Variants in SLC22A24 observed in about 807,000 individuals in gnomAD.
SLC22A24 encodes the protein solute carrier family 22 member 24, also known as steroid transmembrane transporter SLC22A24.
A neutral mutation model predicts 49.8 loss-of-function variants in SLC22A24; 53 were observed. The ratio of observed to expected loss-of-function variants is 1.06; its 90% CI spans 0.85 to 1.34. SLC22A24 has a LOEUF of 1.34. Among genes scored for constraint, SLC22A24 ranks in the 40% most tolerant of loss-of-function variants. The pLI, the probability that SLC22A24 is intolerant of heterozygous loss-of-function variation, is 0.00. For missense variants in SLC22A24, 786 were observed against 675.9 expected (o/e 1.16, Z -1.81); for synonymous variants, 302 against 256.4 (o/e 1.18, Z -1.70).
intron 5 of SLC22A24, 116 bp downstream of exon 5, chr11:63,104,059 G>A: frequency 2.0e-6 from 2 of 984,848 alleles, no homozygotes; most frequent in South Asian, 3.3e-5. Context: ...TCAGGACAGA[G>A]ATGTAAGACT....
chr11:63,100,596 G>A (rs1005793340), intron 5 of SLC22A24, among the ~76,000 whole-genome samples: 11 of 152,042 alleles, frequency 7.2e-5, no homozygotes, highest in Non-Finnish European at 1.3e-4. Flanking sequence ...ACTTAGAATA[G>A]CCAAAGCTAC....
At chr11:63,113,231 T>TATATATACACATATATATATAC (rs2087187453) in intron 4 of SLC22A24, among the ~76,000 whole-genome samples, 4 of 125,214 alleles carry the variant, frequency 3.2e-5, no homozygotes, top group African/African-American at 6.9e-5. Context: ...TATATATACA[T>TATATATACACATATATATATAC]ATATATATAT....
chr11:63,087,114 TAA>T (rs2086992466), intron 6 of SLC22A24, among the ~76,000 whole-genome samples: 1 of 117,126 alleles, frequency 8.5e-6, no homozygotes. Context: ...AAAGAAATAA[TAA>T]AAATAAGAGT....
chr11:63,107,842 A>G lies in SLC22A24; in HGVS notation c.831-3544T>C, dbSNP rs1183348392. ...CTTAAGGAGATTTTGGGCTGAGACA[A>G]TGGGGTTTTCTAGATATACAATCAT... On this transcript the variant is annotated intron_variant, in intron 4 of 9. Coordinates refer to ENST00000612278, the MANE Select transcript of SLC22A24 (RefSeq NM_001136506.2). Among the ~76,000 whole-genome samples the G allele has an allele frequency of 5.3e-5, 8 of 152,202 alleles. No individual in the cohort carries two copies. The South Asian group carries it at 6.2e-4, about 12-fold the overall frequency.
At chr11:63,102,478 A>G (rs1035594834) in intron 5 of SLC22A24, among the ~76,000 whole-genome samples, 2 of 152,128 alleles carry the variant, frequency 1.3e-5, no homozygotes, top group South Asian at 2.1e-4. Context: ...GCTTATCTCA[A>G]AGATGTTTGT....
chr11:63,105,396 T>C (rs34137187), intron 4 of SLC22A24, among the ~76,000 whole-genome samples: 120,405 of 151,992 alleles, frequency 0.79, 48,895 homozygotes, highest in East Asian at 0.9. Flanking sequence ...GCAGAGGTTT[T>C]CATGAGGGTC....
intron 4 of SLC22A24, among the ~76,000 whole-genome samples, chr11:63,107,325 G>A (rs946591657): frequency 2.6e-5 from 4 of 152,252 alleles, no homozygotes; most frequent in Non-Finnish European, 5.9e-5. Context: ...TGCTGTTTTG[G>A]TTACTGTAGC....
chr11:63,141,236 G>C (rs1476798690), intron 1 of SLC22A24, among the ~76,000 whole-genome samples: 1 of 152,184 alleles, frequency 6.6e-6, no homozygotes, highest in Non-Finnish European at 1.5e-5. Context: ...ATGCAAACAT[G>C]AAATTTGGTT....
At chr11:63,102,230 A>G (rs1035893396) in intron 5 of SLC22A24, among the ~76,000 whole-genome samples, 1 of 152,128 alleles carries the variant, frequency 6.6e-6, no homozygotes, top group Non-Finnish European at 1.5e-5. Context: ...ACTACTATGT[A>G]CCCATAATAA....
chr11:63,081,006 G>A lies in SLC22A24; in HGVS notation c.1512C>T (p.Phe504=). The change falls in exon 9 of 10, where the codon TTC becomes TTT. Residue 504 remains phenylalanine, a synonymous_variant. Transcript: ENST00000612278. ...PHLPWISYGV[F]PILAVPVILL... is the part of the protein sequence containing the mutation. ...GGATAACAGGGACAGCAAGGATGGG[G>A]AAGACTCCATAGGAAATCCAGGGTA... is the stretch of plus-strand genomic sequence containing the variant. The A allele has an allele frequency of 6.4e-7, 1 of 1,551,904 alleles. No homozygotes were observed. The highest frequency in any genetic ancestry group is 2.0e-5 in the Admixed American group (1 of 51,010).
Position 63,081,205 on chromosome 11 carries a change from G to T in SLC22A24, c.1395-82C>A. 14 of 1,200,592 alleles carry T rather than the reference G, an allele frequency of 1.2e-5. No homozygotes were observed. The South Asian group carries it at 2.0e-4, about 17-fold the overall frequency. The allele number at this position is 1,200,592 out of a possible 1,614,324, so 74.4% of individuals were successfully genotyped here. ...TTTATCATCATTATTTCTTTATGGG[G>T]ACCAGTACAACAGAGTTACTAAACA... is the stretch of plus-strand genomic sequence containing the variant. On this transcript the variant is annotated intron_variant, in intron 8 of 9. Coordinates refer to ENST00000612278, the MANE Select transcript of SLC22A24 (RefSeq NM_001136506.2).
intron 4 of SLC22A24, among the ~76,000 whole-genome samples, chr11:63,105,471 G>A (rs1330533257): frequency 6.6e-6 from 1 of 152,110 alleles, no homozygotes; most frequent in African/African-American, 2.4e-5. Context: ...AAATCTAGAT[G>A]GAGGTTGCTA....
chr11:63,112,675 T>G (rs1405273155), intron 4 of SLC22A24, among the ~76,000 whole-genome samples: 1 of 152,114 alleles, frequency 6.6e-6, no homozygotes. Flanking sequence ...TTGTTTGCTC[T>G]TGCTTCTCTA....
At chr11:63,139,585 G>A (rs1400998789) in intron 1 of SLC22A24, among the ~76,000 whole-genome samples, 1 of 152,158 alleles carries the variant, frequency 6.6e-6, no homozygotes, top group Non-Finnish European at 1.5e-5. Flanking sequence ...AATGAGAAAT[G>A]AGACTCTCAT....
intron 2 of SLC22A24, among the ~76,000 whole-genome samples, chr11:63,133,066 C>T (rs2087348443): frequency 6.6e-6 from 1 of 152,166 alleles, no homozygotes; most frequent in South Asian, 2.1e-4. Flanking sequence ...AGGTCGATCT[C>T]AGACTGGTGC....
At chr11:63,098,969 G>T (rs1162957197) in intron 5 of SLC22A24, among the ~76,000 whole-genome samples, 5 of 152,050 alleles carry the variant, frequency 3.3e-5, no homozygotes, top group African/African-American at 9.7e-5. Context: ...GGTTATTAAA[G>T]GCTGGTATGA....
intron 1 of SLC22A24, among the ~76,000 whole-genome samples, chr11:63,136,640 T>G (rs988108798): frequency 3.3e-5 from 5 of 152,212 alleles, no homozygotes; most frequent in Non-Finnish European, 7.3e-5. Flanking sequence ...CTTTCTTGAT[T>G]GCAATTCCCC....
At chr11:63,104,323 A>G (rs1485368558) in intron 4 of SLC22A24, 25 bp from the exon 5 acceptor site, 5 of 1,529,882 alleles carry the variant, frequency 3.3e-6, no homozygotes, top group Non-Finnish European at 8.8e-7. Flanking sequence ...CAACATAGGT[A>G]TAGTAAACAA....
chr11:63,096,753 T>A (rs1590732435), intron 5 of SLC22A24, among the ~76,000 whole-genome samples: 1 of 152,104 alleles, frequency 6.6e-6, no homozygotes, highest in East Asian at 1.9e-4. Flanking sequence ...GGAGTATGAT[T>A]TTTGCCTAAG....
Sources: allele counts gnomAD v4.1 joint callset (sites outside exome capture counted in the v4.1 genomes callset), GRCh38; gene constraint gnomAD v4.1.1; transcripts MANE v1.5; gene names NCBI Gene and HGNC (gene_info 2026-07-23, HGNC 2026-07-21).